DGKI: variants seen among roughly 807,000 people sequenced by gnomAD.
DGKI encodes the protein diacylglycerol kinase iota.
A neutral mutation model predicts 147.5 loss-of-function variants in DGKI; 55 were observed. The ratio of observed to expected loss-of-function variants is 0.37; its 90% CI spans 0.30 to 0.47. The LOEUF is 0.47. DGKI is among the 20% of genes least tolerant of loss of function. The pLI is 1.00. For missense variants in DGKI, 1,007 were observed against 1,323.8 expected (o/e 0.76, Z 3.71); for synonymous variants, 469 against 477.1 (o/e 0.98, Z 0.22).
At chr7:137,638,105 C>T (rs1821377880) in intron 6 of DGKI, among the ~76,000 whole-genome samples, 1 of 152,052 alleles carries the variant, frequency 6.6e-6, no homozygotes, top group African/African-American at 2.4e-5. Context: ...CCTTTCCAAG[C>T]CTGCCTGCCC....
At chr7:137,700,827 G>A (rs920154724) in intron 1 of DGKI, among the ~76,000 whole-genome samples, 2 of 152,078 alleles carry the variant, frequency 1.3e-5, no homozygotes, top group Non-Finnish European at 2.9e-5. Flanking sequence ...GGAGTGAGCT[G>A]AGATGGCGCC....
intron 27 of DGKI, among the ~76,000 whole-genome samples, chr7:137,449,526 T>C (rs539629720): frequency 1.2e-4 from 19 of 152,110 alleles, no homozygotes; most frequent in Non-Finnish European, 2.5e-4. Flanking sequence ...TCCCCAAACA[T>C]GAAACTGCTA....
At chr7:137,479,437 C>T (rs910899414) in intron 23 of DGKI, among the ~76,000 whole-genome samples, 1 of 151,946 alleles carries the variant, frequency 6.6e-6, no homozygotes, top group Non-Finnish European at 1.5e-5. Context: ...ATATATATTT[C>T]TGAAAGCCAA....
chr7:137,658,290 C>T (rs367919041), intron 3 of DGKI, among the ~76,000 whole-genome samples: 1 of 152,114 alleles, frequency 6.6e-6, no homozygotes, highest in Non-Finnish European at 1.5e-5. Flanking sequence ...GGGTAGAGCA[C>T]CCATAAGCAA....
At chr7:137,548,444 G>A (rs913302049) in intron 20 of DGKI, among the ~76,000 whole-genome samples, 6 of 152,128 alleles carry the variant, frequency 3.9e-5, no homozygotes, top group Non-Finnish European at 5.9e-5. Flanking sequence ...CCTTGAGGTA[G>A]TGAGTGAGTT....
At chr7:137,426,031 C>T (rs1178717420) in intron 28 of DGKI, among the ~76,000 whole-genome samples, 3 of 152,082 alleles carry the variant, frequency 2.0e-5, no homozygotes, top group East Asian at 1.9e-4. Context: ...AACATTCAGA[C>T]TCAGGAAATA....
At chr7:137,612,072 G>A (rs556601761) in intron 8 of DGKI, among the ~76,000 whole-genome samples, 15 of 152,138 alleles carry the variant, frequency 9.9e-5, no homozygotes, top group Non-Finnish European at 1.5e-4. Flanking sequence ...TTGTCTGATC[G>A]TAGAACTCAC....
At chr7:137,649,264 C>T (rs1336109827) in intron 5 of DGKI, among the ~76,000 whole-genome samples, 1 of 152,156 alleles carries the variant, frequency 6.6e-6, no homozygotes. Flanking sequence ...ATCATTTATT[C>T]TAATCCTCAT....
intron 21 of DGKI, among the ~76,000 whole-genome samples, chr7:137,510,178 A>G (rs1816533183): frequency 6.6e-6 from 1 of 152,252 alleles, no homozygotes; most frequent in Non-Finnish European, 1.5e-5. Context: ...AAATAGTGCT[A>G]TGACATGTCA....
At chr7:137,435,313 T>C (rs1228869917) in intron 28 of DGKI, among the ~76,000 whole-genome samples, 2 of 152,194 alleles carry the variant, frequency 1.3e-5, no homozygotes, top group South Asian at 2.1e-4. Flanking sequence ...GGAGAAATCA[T>C]GGGCATTTAA....
At chr7:137,572,203 T>G (rs1818817109) in intron 18 of DGKI, among the ~76,000 whole-genome samples, 1 of 152,214 alleles carries the variant, frequency 6.6e-6, no homozygotes, top group South Asian at 2.1e-4. Flanking sequence ...TAGAACATAA[T>G]TTATGCCACT....
At chr7:137,468,848 G>T (rs1054396643) in intron 24 of DGKI, among the ~76,000 whole-genome samples, 1 of 152,108 alleles carries the variant, frequency 6.6e-6, no homozygotes, top group Non-Finnish European at 1.5e-5. Flanking sequence ...CAAAAAAGGG[G>T]TCTACAATGA....
chr7:137,568,300 T>C (rs1480524243), intron 19 of DGKI, among the ~76,000 whole-genome samples: 1 of 152,210 alleles, frequency 6.6e-6, no homozygotes, highest in African/African-American at 2.4e-5. Context: ...TTTTCCAGAA[T>C]GCCAAGTTCC....
At chr7:137,546,185 C>T (rs1014653337) in intron 20 of DGKI, among the ~76,000 whole-genome samples, 2 of 152,114 alleles carry the variant, frequency 1.3e-5, no homozygotes, top group East Asian at 1.9e-4. Context: ...ACACGGAAGG[C>T]GCTGGTTCTA....
intron 20 of DGKI, among the ~76,000 whole-genome samples, chr7:137,527,604 T>A (rs1016734864): frequency 6.6e-6 from 1 of 152,198 alleles, no homozygotes; most frequent in African/African-American, 2.4e-5. Flanking sequence ...TATCCTGTTT[T>A]CATTAACATT....
chr7:137,585,144 T>C (rs1819341122), intron 14 of DGKI, 65 bp downstream of exon 14: 1 of 1,587,814 alleles, frequency 6.3e-7, no homozygotes, highest in Non-Finnish European at 8.6e-7. Context: ...CAGCCAGGAT[T>C]TTTTTTCCTG....
chr7:137,669,669 T>G (rs963970016), intron 3 of DGKI, among the ~76,000 whole-genome samples: 1 of 152,154 alleles, frequency 6.6e-6, no homozygotes, highest in African/African-American at 2.4e-5. Flanking sequence ...GTTCAAACTC[T>G]AAGAATAAAA....
rs78777600 is a variant in DGKI at position 137,647,517 on chromosome 7, G to T, written c.739-1980C>A. On this transcript the variant is annotated intron_variant, in intron 5 of 32. Coordinates refer to ENST00000614521, the MANE Select transcript of DGKI (RefSeq NM_001321708.2). ...CAGAATGCTGGGCTGGGCCCAGCTG[G>T]TGGTGGTTGTATGTACAATCGTAAA... 3.9e-3 allele frequency among the ~76,000 whole-genome samples: 590 copies of T among 152,318 alleles called. 3 individuals carry two copies. The highest frequency in any genetic ancestry group is 0.014 in the African/African-American group (567 of 41,570).
At chr7:137,663,182 T>C (rs1822506282) in intron 3 of DGKI, among the ~76,000 whole-genome samples, 2 of 152,270 alleles carry the variant, frequency 1.3e-5, no homozygotes, top group South Asian at 4.1e-4. Context: ...ACTATGTGAG[T>C]GCTGTACAGG....
Sources: allele counts gnomAD v4.1 joint callset (sites outside exome capture counted in the v4.1 genomes callset), GRCh38; gene constraint gnomAD v4.1.1; transcripts MANE v1.5; gene names NCBI Gene and HGNC (gene_info 2026-07-23, HGNC 2026-07-21).